PON1: variants seen among roughly 807,000 people sequenced by gnomAD.
PON1 encodes paraoxonase 1.
A neutral mutation model predicts 39.2 loss-of-function variants in PON1; 37 were observed. The ratio of observed to expected loss-of-function variants is 0.94; its 90% CI spans 0.73 to 1.24. The LOEUF (loss-of-function observed/expected upper bound fraction) is 1.24. PON1 is among the 50% of genes most tolerant of loss of function. The pLI is 0.00. For missense variants in PON1, 397 were observed against 413.5 expected, an observed-to-expected ratio of 0.96 and a Z score of 0.35; for synonymous variants, 148 against 152.2, an observed-to-expected ratio of 0.97 and a Z score of 0.21.
At chr7:95,306,103 C>G (rs1807535065) in intron 7 of PON1, among the ~76,000 whole-genome samples, 182 bp downstream of exon 7, 1 of 152,122 alleles carries the variant, frequency 6.6e-6, no homozygotes, top group African/African-American at 2.4e-5. Context: ...CTGTTTGCCA[C>G]TCTGCAGTTG....
rs1204828846 is a variant in PON1 at position 95,298,349 on chromosome 7, A to G, written c.*595T>C. ...AGGAGAATTGAAAAAGCAAGAGTACAAGGGGAGTTGGAATAATTCAGGTTA... is the reference window on the plus strand; with the variant it reads ...AGGAGAATTGAAAAAGCAAGAGTACGAGGGGAGTTGGAATAATTCAGGTTA... On this transcript the variant is annotated 3_prime_UTR_variant, in exon 9 of 9. Transcript: ENST00000222381. 6.3e-6 allele frequency: 1 copy of G among 157,582 alleles called. No homozygotes were observed. The highest frequency in any genetic ancestry group is 2.4e-5 in the African/African-American group (1 of 41,482). The allele number at this position is 157,582 out of a possible 1,614,324, so 9.8% of individuals were successfully genotyped here.
chr7:95,311,757 T>A (rs1310924812), intron 4 of PON1, among the ~76,000 whole-genome samples, 180 bp from the exon 5 acceptor site: 1 of 152,036 alleles, frequency 6.6e-6, no homozygotes, highest in Non-Finnish European at 1.5e-5. Flanking sequence ...CAAAAGTGGC[T>A]CAAGGAAGAA....
At chr7:95,309,121 A>G (rs1807603603) in intron 5 of PON1, among the ~76,000 whole-genome samples, 1 of 152,160 alleles carries the variant, frequency 6.6e-6, no homozygotes, top group African/African-American at 2.4e-5. Context: ...GCAGAGCCTC[A>G]GTTTTCTCAT....
chr7:95,311,706 T>TGC, intron 4 of PON1, 129 bp from the exon 5 acceptor site: 1 of 1,010,940 alleles, frequency 9.9e-7, no homozygotes, highest in Non-Finnish European at 1.5e-6. Flanking sequence ...TATTTTCATC[T>TGC]CTTTGTAGAG....
In PON1 at chr7:95,308,113, C is replaced by T. The variant is rs1229626018; in HGVS notation, c.596G>A (p.Gly199Asp). 14 of 1,613,954 alleles carry T rather than the reference C, an allele frequency of 8.7e-6. No homozygotes were observed. The highest frequency in any genetic ancestry group is 1.3e-5 in the African/African-American group (1 of 74,902). Residue 199 changes from glycine (G) to aspartate (D), a missense_variant, in exon 6 of 9, where the codon GGT becomes GAT. Transcript: ENST00000222381. Reference sequence around the variant, plus strand: ...GTAGACAACATACGACCACGCTAAACCCAAATACATCTCCCAGGATTGTAA... The same window carrying T: ...GTAGACAACATACGACCACGCTAAATCCAAATACATCTCCCAGGATTGTAA... ...PYLQSWEMYL[G>D]LAWSYVVYYS... is the part of the protein sequence containing the mutation.
chr7:95,314,862 A>G (rs906610320), intron 4 of PON1, among the ~76,000 whole-genome samples: 10 of 140,422 alleles, frequency 7.1e-5, no homozygotes, highest in African/African-American at 2.5e-4. Flanking sequence ...TTTTGAACAC[A>G]GAACAGAGGA....
rs753190870 is a variant in PON1 at position 95,308,202 on chromosome 7, A to G, written c.507T>C (p.Asp169=). ...IRHKLLPNLN[D]IVAVGPEHFY... is the part of the protein sequence containing the mutation. ...AGTGCTCAGGTCCCACAGCAACAAT[A>G]TCATTCAAACTGCAATTAAAACATA... Residue 169 remains aspartate (D), a synonymous_variant, in exon 6 of 9, where the codon GAT becomes GAC. Transcript: ENST00000222381. 6.2e-7 allele frequency: 1 copy of G among 1,613,620 alleles called. No individual in the cohort carries two copies. The highest frequency in any genetic ancestry group is 8.5e-7 in the Non-Finnish European group (1 of 1,179,776).
At chr7:95,310,865 T>C (rs2116313144) in intron 5 of PON1, among the ~76,000 whole-genome samples, 1 of 152,322 alleles carries the variant, frequency 6.6e-6, no homozygotes, top group East Asian at 1.9e-4. Context: ...TCACAGGGCA[T>C]GTGAGGAAGT....
chr7:95,313,063 G>A (rs913061287), intron 4 of PON1, among the ~76,000 whole-genome samples: 5 of 152,212 alleles, frequency 3.3e-5, no homozygotes, highest in African/African-American at 7.2e-5. Context: ...AGAAAGGACT[G>A]GACCAAGAGG....
At chr7:95,318,547 G>A in intron 1 of PON1, 154 bp from the exon 2 acceptor site, 1 of 668,858 alleles carries the variant, frequency 1.5e-6, no homozygotes, top group Non-Finnish European at 2.6e-6. Flanking sequence ...CAAGGCCAGG[G>A]CAAGACAAGT....
At chr7:95,299,201 A>C (rs748799397) in intron 8 of PON1, 99 bp from the exon 9 acceptor site, 30 of 1,235,242 alleles carry the variant, frequency 2.4e-5, no homozygotes, top group Non-Finnish European at 3.4e-5. Context: ...ATATAATCTT[A>C]TACAATGAGA....
rs148911901 is a variant in PON1, at chr7:95,302,248, A to T, written c.866T>A (p.Met289Lys). Residue 289 changes from methionine (M) to lysine (K), a missense_variant, in exon 8 of 9, where the codon ATG becomes AAG. Transcript: ENST00000222381. ...CTCTGAGTCATAGAAGAAGATTTTCATGCCATTGGGATGGCATCCAACCCA... is the reference window on the plus strand; with the variant it reads ...CTCTGAGTCATAGAAGAAGATTTTCTTGCCATTGGGATGGCATCCAACCCA... Reference protein sequence around the residue: ...DLWVGCHPNGMKIFFYDSENP... With the variant: ...DLWVGCHPNGKKIFFYDSENP... The T allele has an allele frequency of 1.2e-4, 186 of 1,612,932 alleles. No homozygotes were observed. The African/African-American group carries it at 2.2e-3, about 19-fold the overall frequency.
rs760914005 is a variant in PON1 at position 95,311,521 on chromosome 7, A to C, written c.427T>G (p.Leu143Val). Residue 143 changes from leucine (L) to valine (V), a missense_variant, in exon 5 of 9, where the codon TTG (leucine) becomes GTG (valine). Physicochemically the swap from Leu to Val is conservative, Grantham distance 32. Transcript: ENST00000222381. ...NHPDAKSTVE[L>V]FKFQEEEKSL... is the part of the protein sequence containing the mutation. Reference sequence around the variant, plus strand: ...TTTTCTTCTTCTTGAAATTTAAACAACTCCACTGTGGACTTGGCATCTGGA... The same window carrying C: ...TTTTCTTCTTCTTGAAATTTAAACACCTCCACTGTGGACTTGGCATCTGGA... 1.9e-6 allele frequency: 3 copies of C among 1,613,916 alleles called. No individual in the cohort carries two copies. Among genetic ancestry groups the C allele is most frequent in the East Asian group, 2.2e-5 (1 of 44,872 alleles).
At chr7:95,308,390 A>G (rs1184265370) in intron 5 of PON1, among the ~76,000 whole-genome samples, 179 bp from the exon 6 acceptor site, 2 of 151,236 alleles carry the variant, frequency 1.3e-5, no homozygotes, top group Non-Finnish European at 2.9e-5. Context: ...TCCTTAGACA[A>G]TCATTGGTCT....
At chr7:95,314,541 C>T (rs1230208592) in intron 4 of PON1, among the ~76,000 whole-genome samples, 2 of 152,056 alleles carry the variant, frequency 1.3e-5, no homozygotes, top group Non-Finnish European at 2.9e-5. Flanking sequence ...AATGAGGGAT[C>T]GTCTGATGAT....
At chr7:95,306,149 T>C in intron 7 of PON1, 136 bp downstream of exon 7, 2 of 749,412 alleles carry the variant, frequency 2.7e-6, no homozygotes, top group South Asian at 1.5e-5. Flanking sequence ...ACCAAGCTAA[T>C]GACTCTTAAT....
chr7:95,299,102 C>T lies in PON1; in HGVS notation c.910G>A (p.Val304Met). Residue 304 changes from valine (V) to methionine (M), a missense_variant and splice_region_variant, in exon 9 of 9, where the codon GTG (valine) becomes ATG (methionine). Val to Met is a conservative substitution (Grantham distance 21, BLOSUM62 1). Transcript: ENST00000222381. ...GTTAGAATGTTCTGGATTCGAAGCA[C>T]CTGTGGAAGAAATAACATTGGGTTA... ...YDSENPPASE[V>M]LRIQNILTEE... is the part of the protein sequence containing the mutation. 1 of 1,613,838 alleles carries T rather than the reference C, an allele frequency of 6.2e-7. No homozygotes were observed. Among genetic ancestry groups the T allele is most frequent in the Non-Finnish European group, 8.5e-7 (1 of 1,179,718 alleles).
intron 7 of PON1, among the ~76,000 whole-genome samples, chr7:95,305,943 A>AGGGAGGAGAGGGAAGGAAGG (rs1807531989): frequency 6.6e-6 from 1 of 152,118 alleles, no homozygotes; most frequent in Non-Finnish European, 1.5e-5. Context: ...GAGAAAGAAA[A>AGGGAGGAGAGGGAAGGAAGG]GGGAGGAGAG....
At chr7:95,323,127 G>T (rs377558009) in intron 1 of PON1, among the ~76,000 whole-genome samples, 1 of 152,124 alleles carries the variant, frequency 6.6e-6, no homozygotes, top group Non-Finnish European at 1.5e-5. Context: ...GATTCTGCCT[G>T]TACAGGGAGC....
Sources: gnomAD v4.1 joint callset for allele counts (sites outside exome capture counted in the v4.1 genomes callset) on GRCh38, gnomAD v4.1.1 for gene constraint, MANE v1.5 for transcripts, NCBI Gene and HGNC (gene_info 2026-07-23, HGNC 2026-07-21) for gene names.